ARHGAP10: variants seen among roughly 807,000 people sequenced by gnomAD.
ARHGAP10 encodes the protein Rho GTPase activating protein 10, also known as rho GTPase-activating protein 10.
In ARHGAP10, 87 loss-of-function variants were observed where a neutral mutation model predicts 108.6. The ratio of observed to expected loss-of-function variants is 0.80; its 90% confidence interval spans 0.67 to 0.96. The LOEUF is 0.96. ARHGAP10 is among the 40% of genes least tolerant of loss of function. The pLI, the probability that ARHGAP10 is intolerant of heterozygous loss-of-function variation, is 0.00. For synonymous variants in ARHGAP10, 347 were observed against 341.1 expected (o/e 1.02, Z -0.19); for missense variants, 939 against 954.5 (o/e 0.98, Z 0.21).
At chr4:148,015,531 G>C (rs1741313983) in intron 18 of ARHGAP10, among the ~76,000 whole-genome samples, 1 of 152,152 alleles carries the variant, frequency 6.6e-6, no homozygotes, top group Admixed American at 6.5e-5. Context: ...AACCCGACTG[G>C]TATTTTACTG....
chr4:147,860,685 C>T (rs1190529197), intron 5 of ARHGAP10, among the ~76,000 whole-genome samples: 4 of 152,142 alleles, frequency 2.6e-5, no homozygotes, highest in African/African-American at 9.7e-5. Context: ...TCCCAAGTAG[C>T]CAAATGATAT....
At chr4:147,966,555 G>T (rs1739208150) in intron 17 of ARHGAP10, 125 bp from the exon 18 acceptor site, 1 of 803,736 alleles carries the variant, frequency 1.2e-6, no homozygotes, top group African/African-American at 1.7e-5. Flanking sequence ...TTCAGAGGTA[G>T]ATGTTGAGGG....
intron 10 of ARHGAP10, among the ~76,000 whole-genome samples, chr4:147,897,527 C>T (rs910978475): frequency 6.6e-6 from 1 of 151,902 alleles, no homozygotes; most frequent in African/African-American, 2.4e-5. Flanking sequence ...TTTAGTTATG[C>T]CTTTTAATGT....
At chr4:147,928,475 C>G (rs1027195688) in intron 13 of ARHGAP10, among the ~76,000 whole-genome samples, 4 of 152,136 alleles carry the variant, frequency 2.6e-5, no homozygotes, top group African/African-American at 9.7e-5. Flanking sequence ...GGCTAATCAT[C>G]ACAATACAGA....
At chr4:147,876,320 C>CGG (rs1735054479) in intron 8 of ARHGAP10, among the ~76,000 whole-genome samples, 1 of 152,124 alleles carries the variant, frequency 6.6e-6, no homozygotes, top group Admixed American at 6.6e-5. Flanking sequence ...GGGCTGGGCG[C>CGG]GGTGGCTCAC....
chr4:147,912,790 C>T (rs975988565), intron 12 of ARHGAP10, among the ~76,000 whole-genome samples: 7 of 150,454 alleles, frequency 4.7e-5, no homozygotes, highest in African/African-American at 1.7e-4. Context: ...GGACTACAGG[C>T]ACCCATCATT....
chr4:147,966,885 CCATGTACTA>C, intron 18 of ARHGAP10, 46 bp downstream of exon 18: 1 of 1,461,186 alleles, frequency 6.8e-7, no homozygotes, highest in Non-Finnish European at 9.3e-7. Context: ...CGGCTTGTCG[CCATGTACTA>C]CACAACGATC....
intron 18 of ARHGAP10, among the ~76,000 whole-genome samples, chr4:147,992,298 T>C (rs1740307004): frequency 6.6e-6 from 1 of 152,196 alleles, no homozygotes; most frequent in African/African-American, 2.4e-5. Context: ...CTCGTCTACA[T>C]CTGGTCAAAC....
At chr4:147,825,718 T>C (rs2126790064) in intron 3 of ARHGAP10, among the ~76,000 whole-genome samples, 1 of 152,308 alleles carries the variant, frequency 6.6e-6, no homozygotes, top group East Asian at 1.9e-4. Context: ...TTCTAGTACA[T>C]GGAGCCGATG....
At chr4:147,937,739 G>A (rs563726525) in intron 13 of ARHGAP10, among the ~76,000 whole-genome samples, 2 of 152,314 alleles carry the variant, frequency 1.3e-5, no homozygotes, top group East Asian at 3.9e-4. Flanking sequence ...CAGCACTTTG[G>A]GAGGCGGAGG....
intron 1 of ARHGAP10, among the ~76,000 whole-genome samples, chr4:147,743,152 A>G (rs1728761776): frequency 1.3e-5 from 2 of 149,886 alleles, no homozygotes; most frequent in Middle Eastern, 3.4e-3. Flanking sequence ...TCCTGCCTCA[A>G]CCTCCCGAGT....
intron 19 of ARHGAP10, among the ~76,000 whole-genome samples, chr4:148,028,931 T>G (rs937455658): frequency 2.6e-5 from 4 of 152,230 alleles, no homozygotes. Flanking sequence ...TGTGTTTATG[T>G]TTTTGTTTTT....
At chr4:148,035,673 A>C (rs374225540) in intron 19 of ARHGAP10, among the ~76,000 whole-genome samples, 42 of 152,292 alleles carry the variant, frequency 2.8e-4, no homozygotes, top group East Asian at 1.2e-3. Context: ...GAATTGGACT[A>C]AGTGGAATTT....
rs534281094 is a variant in ARHGAP10 at position 148,072,368 on chromosome 4, G to A, written c.*287G>A. Reference sequence around the variant, plus strand: ...TTTTTAATTATCCAGCATATAGAATGAGAGGGAGGGCAGCCTTCTGCCACC... The same window carrying A: ...TTTTTAATTATCCAGCATATAGAATAAGAGGGAGGGCAGCCTTCTGCCACC... On this transcript the variant is annotated 3_prime_UTR_variant, in exon 23 of 23. Transcript: ENST00000336498. 1 of 354,970 alleles carries A rather than the reference G, an allele frequency of 2.8e-6. No homozygotes were observed. Among genetic ancestry groups the A allele is most frequent in the African/African-American group, 2.1e-5 (1 of 47,566 alleles). The allele number at this position is 354,970 out of a possible 1,614,324, so 22.0% of individuals were successfully genotyped here.
intron 1 of ARHGAP10, among the ~76,000 whole-genome samples, chr4:147,797,543 G>A (rs1731364141): frequency 6.6e-6 from 1 of 152,174 alleles, no homozygotes; most frequent in Non-Finnish European, 1.5e-5. Context: ...CTCTGGAGTA[G>A]CTGGGACTAC....
At chr4:147,962,522 A>C (rs1255805109) in intron 16 of ARHGAP10, among the ~76,000 whole-genome samples, 1 of 152,196 alleles carries the variant, frequency 6.6e-6, no homozygotes, top group Non-Finnish European at 1.5e-5. Context: ...GCTATCAGTT[A>C]GAAGCAACGA....
At chr4:147,863,790 G>A (rs534086328) in intron 5 of ARHGAP10, 9 of 152,258 alleles carry the variant, frequency 5.9e-5, no homozygotes, top group East Asian at 5.8e-4. Flanking sequence ...TTAGTAACAC[G>A]TTATGTTTCA....
intron 18 of ARHGAP10, among the ~76,000 whole-genome samples, chr4:147,993,535 C>T (rs1201420339): frequency 6.6e-6 from 1 of 152,160 alleles, no homozygotes; most frequent in Non-Finnish European, 1.5e-5. Flanking sequence ...GCATGTCATG[C>T]TTTCTAGAAG....
At chr4:147,846,952 T>G (rs189849714) in intron 3 of ARHGAP10, among the ~76,000 whole-genome samples, 199 bp from the exon 4 acceptor site, 1 of 152,356 alleles carries the variant, frequency 6.6e-6, no homozygotes, top group East Asian at 1.9e-4. Flanking sequence ...CCACCTCCTC[T>G]TCCCTGAAAA....
Sources: allele counts gnomAD v4.1 joint callset (sites outside exome capture counted in the v4.1 genomes callset), GRCh38; gene constraint gnomAD v4.1.1; transcripts MANE v1.5; gene names NCBI Gene and HGNC (gene_info 2026-07-23, HGNC 2026-07-21).